Variants in DAB2IP observed in about 807,000 individuals in gnomAD.
DAB2IP encodes disabled homolog 2-interacting protein.
DAB2IP carries 28 observed loss-of-function variants against 107.2 expected under a neutral mutation model. That is an observed-to-expected ratio of 0.26 (90% CI 0.19 to 0.36). The LOEUF is 0.36. DAB2IP is among the 10% of genes least tolerant of loss of function. The probability of loss-of-function intolerance (pLI) is 1.00; values close to 1 mark genes in which losing one functional copy is unlikely to be tolerated. For synonymous variants in DAB2IP, 755 were observed against 706.4 expected (o/e 1.07, Z -1.09); for missense variants, 1,400 against 1,644.7 (o/e 0.85, Z 2.57).
At chr9:121,652,310 C>T (rs1832776812) in intron 1 of DAB2IP, among the ~76,000 whole-genome samples, 1 of 152,194 alleles carries the variant, frequency 6.6e-6, no homozygotes, top group African/African-American at 2.4e-5. Context: ...ACGGGCTCCC[C>T]ACCTCTTGGG....
intron 8 of DAB2IP, among the ~76,000 whole-genome samples, chr9:121,765,229 C>T (rs1834196191): frequency 6.6e-6 from 1 of 152,172 alleles, no homozygotes; most frequent in Non-Finnish European, 1.5e-5. Context: ...GGGGGCTGGG[C>T]ATGTGACTCA....
chr9:121,588,845 G>A (rs1462463711), intron 1 of DAB2IP, among the ~76,000 whole-genome samples: 1 of 151,846 alleles, frequency 6.6e-6, no homozygotes, highest in Admixed American at 6.6e-5. Flanking sequence ...GGAGGTGGCT[G>A]TCTTCAGCAG....
upstream of DAB2IP, chr9:121,651,585 G>A (rs1589453846): frequency 2.1e-6 from 2 of 939,074 alleles, no homozygotes; most frequent in East Asian, 9.2e-5. The surrounding 1 kb of genome is among the most constrained non-coding windows in gnomAD (Gnocchi z 5.1). Flanking sequence ...CCGCGGGGCC[G>A]GCTGCTCGGG....
At chr9:121,742,912 C>T (rs992671128) in intron 3 of DAB2IP, 12 of 985,326 alleles carry the variant, frequency 1.2e-5, no homozygotes, top group Non-Finnish European at 1.4e-5. Flanking sequence ...TGGTGGGGCA[C>T]CTGTGACAGG....
chr9:121,587,686 A>G (rs547165032), intron 1 of DAB2IP, among the ~76,000 whole-genome samples: 20 of 152,052 alleles, frequency 1.3e-4, no homozygotes, highest in African/African-American at 3.4e-4. Context: ...CAAATGACCA[A>G]TTGAGGGTTT....
At chr9:121,625,527 G>T (rs1423898021) in intron 1 of DAB2IP, among the ~76,000 whole-genome samples, 6 of 152,174 alleles carry the variant, frequency 3.9e-5, no homozygotes, top group Admixed American at 6.5e-5. Context: ...CTCCCAGAGT[G>T]CTGGGATTAT....
At chr9:121,755,167 G>C (rs764951794) in intron 3 of DAB2IP, among the ~76,000 whole-genome samples, 1 of 152,242 alleles carries the variant, frequency 6.6e-6, no homozygotes. Flanking sequence ...AGGCCAGGCC[G>C]CTCGAGCAAG....
chr9:121,652,041 A>AC (rs1183986765), intron 1 of DAB2IP, 142 bp downstream of exon 1: 3 of 756,004 alleles, frequency 4.0e-6, no homozygotes, highest in East Asian at 3.5e-5. Flanking sequence ...AGTCTGCCGG[A>AC]CCCCCCATTC....
chr9:121,580,651 G>GTC (rs1277947624), intron 1 of DAB2IP, among the ~76,000 whole-genome samples: 1 of 151,580 alleles, frequency 6.6e-6, no homozygotes, highest in East Asian at 1.9e-4. Context: ...CTGAGATGGA[G>GTC]TCTCGCTCTG....
intron 1 of DAB2IP, among the ~76,000 whole-genome samples, chr9:121,605,439 C>T (rs1274726813): frequency 6.6e-6 from 1 of 152,214 alleles, no homozygotes; most frequent in Non-Finnish European, 1.5e-5. Context: ...TCAGTCCCCA[C>T]CTGCAGGCTG....
At chr9:121,650,558 A>T (rs749189239), upstream of DAB2IP, among the ~76,000 whole-genome samples, 1 of 152,202 alleles carries the variant, frequency 6.6e-6, no homozygotes, top group Non-Finnish European at 1.5e-5. Flanking sequence ...CCAGGCTAAG[A>T]CCACTTGCCT....
At chr9:121,591,890 AAGG>A (rs1830428195) in intron 1 of DAB2IP, among the ~76,000 whole-genome samples, 1 of 152,208 alleles carries the variant, frequency 6.6e-6, no homozygotes, top group Non-Finnish European at 1.5e-5. Context: ...TGAGGTAGCC[AAGG>A]AGGAGAAGTG....
At chr9:121,675,250 C>G (rs1833850199) in intron 1 of DAB2IP, among the ~76,000 whole-genome samples, 1 of 152,098 alleles carries the variant, frequency 6.6e-6, no homozygotes, top group South Asian at 2.1e-4. Flanking sequence ...CCGCAGGAGG[C>G]CATTCCAGGG....
At chr9:121,609,441 C>T (rs1208729736) in intron 1 of DAB2IP, among the ~76,000 whole-genome samples, 6 of 152,226 alleles carry the variant, frequency 3.9e-5, no homozygotes, top group Admixed American at 2.0e-4. Context: ...GTTTTCTCCA[C>T]TTCTCACTTC....
chr9:121,778,576 C>G (rs988643651), intron 14 of DAB2IP, among the ~76,000 whole-genome samples: 7 of 151,930 alleles, frequency 4.6e-5, no homozygotes, highest in Admixed American at 4.6e-4. Context: ...TTTTATGATT[C>G]CATTTTCTCT....
intron 1 of DAB2IP, among the ~76,000 whole-genome samples, chr9:121,629,150 C>G (rs373641222): frequency 7.1e-4 from 108 of 152,296 alleles, no homozygotes; most frequent in African/African-American, 2.6e-3. Flanking sequence ...AGAAATGATG[C>G]GATAGATTCC....
chr9:121,604,853 T>C (rs1830813500), intron 1 of DAB2IP, among the ~76,000 whole-genome samples: 1 of 152,138 alleles, frequency 6.6e-6, no homozygotes, highest in Admixed American at 6.6e-5. Context: ...TCAGGCATGA[T>C]TTTTCCACTC....
chr9:121,650,682 A>G (rs10760182), upstream of DAB2IP, among the ~76,000 whole-genome samples: 84,219 of 152,020 alleles, frequency 0.55, 23,593 homozygotes, highest in South Asian at 0.65. Flanking sequence ...AACGACGAAT[A>G]TTGCTAAAGA....
chr9:121,757,237 C>T, intron 4 of DAB2IP, 71 bp downstream of exon 4: 1 of 1,555,056 alleles, frequency 6.4e-7, no homozygotes, highest in Non-Finnish European at 8.7e-7. Flanking sequence ...CTCCAGACAT[C>T]CTCCTGGAGT....
Sources: allele counts gnomAD v4.1 joint callset (sites outside exome capture counted in the v4.1 genomes callset), GRCh38; gene constraint gnomAD v4.1.1; non-coding constraint Gnocchi (gnomAD v3.1); transcripts MANE v1.5; gene names NCBI Gene and HGNC (gene_info 2026-07-23, HGNC 2026-07-21).